Variants in RCHY1 observed in about 807,000 individuals in gnomAD.
RCHY1 encodes the protein ring finger and CHY zinc finger domain containing 1, also known as RING finger and CHY zinc finger domain-containing protein 1.
Under a neutral mutation model 41.6 loss-of-function variants are expected in RCHY1, and 21 were observed. The ratio of observed to expected loss-of-function variants is 0.51; its 90% CI spans 0.36 to 0.73. RCHY1 has a LOEUF of 0.73. Among genes scored for constraint, RCHY1 ranks in the 30% least tolerant of loss-of-function variants. RCHY1 has a pLI of 0.00. For missense variants in RCHY1, 265 were observed against 325.3 expected (o/e 0.81, Z 1.43); for synonymous variants, 79 against 102.9 (o/e 0.77, Z 1.41).
intron 8 of RCHY1, among the ~76,000 whole-genome samples, chr4:75,486,046 G>C (rs1297135100): frequency 1.3e-5 from 2 of 152,166 alleles, no homozygotes; most frequent in African/African-American, 2.4e-5. Flanking sequence ...CTACAAAGCA[G>C]AATCAAGCCC....
At position 75,514,272 on chromosome 4, in the gene RCHY1, G is replaced by A. The variant is rs1725308942; in HGVS notation, c.15C>T (p.Ala5=). 1.2e-6 allele frequency: 2 copies of A among 1,612,336 alleles called. No individual in the cohort carries two copies. The highest frequency in any genetic ancestry group is 8.5e-7 in the Non-Finnish European group (1 of 1,178,694). ...CTTGACCGCTGGCGCCATCTTCCCG[G>A]GCCGTCGCCGCCATCTCCTCCACCT... MAAT[A]REDGASGQER... The change falls in exon 1 of 9, where the codon GCC becomes GCT. Residue 5 remains alanine (A), a synonymous_variant. Transcript: ENST00000324439.
chr4:75,499,938 T>G (rs1364970481), intron 3 of RCHY1, among the ~76,000 whole-genome samples: 1 of 152,196 alleles, frequency 6.6e-6, no homozygotes, highest in Non-Finnish European at 1.5e-5. Context: ...CAAATGTTTC[T>G]AGCACAAATA....
At chr4:75,501,703 C>G (rs1012544934) in intron 3 of RCHY1, among the ~76,000 whole-genome samples, 2 of 152,192 alleles carry the variant, frequency 1.3e-5, no homozygotes, top group African/African-American at 4.8e-5. Context: ...TTCCACTGAA[C>G]ATGAAAAGGA....
intron 8 of RCHY1, among the ~76,000 whole-genome samples, chr4:75,487,811 A>ATATATATTCATAAT (rs1722347997): frequency 2.3e-5 from 1 of 43,354 alleles, no homozygotes; most frequent in East Asian, 5.5e-4. Context: ...ATATATTCAT[A>ATATATATTCATAAT]ATATATATTC....
intron 8 of RCHY1, among the ~76,000 whole-genome samples, chr4:75,484,641 G>T (rs1215797239): frequency 6.6e-6 from 1 of 152,084 alleles, no homozygotes; most frequent in Non-Finnish European, 1.5e-5. Context: ...AATTTCTGAA[G>T]AACTGAGCAA....
At chr4:75,494,295 G>C in intron 3 of RCHY1, 116 bp from the exon 4 acceptor site, 3 of 687,522 alleles carry the variant, frequency 4.4e-6, no homozygotes, top group Non-Finnish European at 7.5e-6. Context: ...CCACAATGGA[G>C]AATATGGGAT....
chr4:75,507,023 TC>T (rs1578237214), intron 3 of RCHY1, among the ~76,000 whole-genome samples: 2 of 151,870 alleles, frequency 1.3e-5, no homozygotes, highest in East Asian at 3.9e-4. Flanking sequence ...AACTTAGAAT[TC>T]TACACCCAGC....
At chr4:75,507,007 C>A (rs896909098) in intron 3 of RCHY1, among the ~76,000 whole-genome samples, 1 of 151,940 alleles carries the variant, frequency 6.6e-6, no homozygotes. Flanking sequence ...GGAACCAATA[C>A]CTGTAAACTT....
chr4:75,505,315 C>T (rs929274103), intron 3 of RCHY1, among the ~76,000 whole-genome samples: 3 of 152,124 alleles, frequency 2.0e-5, no homozygotes, highest in East Asian at 1.9e-4. Flanking sequence ...CACCAGAATC[C>T]GCACCCCAAG....
chr4:75,507,485 G>T (rs970060285), intron 3 of RCHY1, among the ~76,000 whole-genome samples: 13 of 152,030 alleles, frequency 8.6e-5, no homozygotes, highest in African/African-American at 3.1e-4. Context: ...ACTGTAGATT[G>T]AAACACGAAC....
chr4:75,486,253 G>A (rs1249846322), intron 8 of RCHY1, among the ~76,000 whole-genome samples: 2 of 152,064 alleles, frequency 1.3e-5, no homozygotes, highest in South Asian at 4.1e-4. Flanking sequence ...CAAGATGACT[G>A]AGAAAACATT....
chr4:75,504,269 AC>A (rs34895675), intron 3 of RCHY1, among the ~76,000 whole-genome samples: 103,152 of 151,960 alleles, frequency 0.68, 36,126 homozygotes, highest in African/African-American at 0.86. Context: ...AATACAGTTG[AC>A]CCCTTGAACA....
At chr4:75,507,936 G>A (rs1724484395) in intron 3 of RCHY1, among the ~76,000 whole-genome samples, 1 of 152,112 alleles carries the variant, frequency 6.6e-6, no homozygotes, top group African/African-American at 2.4e-5. Context: ...GGGCACACAG[G>A]AAGCTATGAA....
At chr4:75,495,010 C>T (rs1409261217) in intron 3 of RCHY1, among the ~76,000 whole-genome samples, 1 of 151,722 alleles carries the variant, frequency 6.6e-6, no homozygotes, top group Non-Finnish European at 1.5e-5. Context: ...TGTTTTTAAC[C>T]AATTTACTGG....
intron 3 of RCHY1, among the ~76,000 whole-genome samples, chr4:75,500,331 TAATAAC>T (rs1723631839): frequency 6.6e-6 from 1 of 152,166 alleles, no homozygotes; most frequent in South Asian, 2.1e-4. Context: ...GGTGCTTATT[TAATAAC>T]AATGAGAAAC....
At position 75,490,769 on chromosome 4, in the gene RCHY1, G is replaced by A; in HGVS notation, c.537-68C>T. ...ATATATTAATTCAGGTATACAAGAAGATGCAGGCTAACTGCCACATGAACC... is the reference window on the plus strand; with the variant it reads ...ATATATTAATTCAGGTATACAAGAAAATGCAGGCTAACTGCCACATGAACC... On this transcript the variant is annotated intron_variant, in intron 7 of 8. Coordinates refer to ENST00000324439, the MANE Select transcript of RCHY1 (RefSeq NM_015436.4). 3.9e-6 allele frequency: 5 copies of A among 1,279,166 alleles called. No homozygotes were observed. In the East Asian group the frequency reaches 1.3e-4, roughly 32 times the overall value. The allele number at this position is 1,279,166 out of a possible 1,614,324, so 79.2% of individuals were successfully genotyped here. A position where few individuals can be genotyped will look rare whatever the true frequency, so the allele number is the denominator to read the frequency against.
rs1011670032 is a variant in RCHY1, at chr4:75,480,277, T to C, written c.*2261A>G. On this transcript the variant is annotated 3_prime_UTR_variant, in exon 9 of 9. Coordinates refer to ENST00000324439, the MANE Select transcript of RCHY1 (RefSeq NM_015436.4). ...ATCCTAAGTTAAAGAAACAATCAGA[T>C]TGTGAAATAAGACTTTCTAACTAGA... is the stretch of plus-strand genomic sequence containing the variant. 2 of 152,160 alleles carry C rather than the reference T, an allele frequency of 1.3e-5. No individual in the cohort carries two copies. Among genetic ancestry groups the C allele is most frequent in the African/African-American group, 4.8e-5 (2 of 41,444 alleles). 9.4% of individuals were successfully genotyped at this position (152,160 alleles called of 1,614,324 possible). A position where few individuals can be genotyped will look rare whatever the true frequency, so the allele number is the denominator to read the frequency against.
Position 75,479,651 on chromosome 4 carries a change from T to C in RCHY1, c.*2887A>G, listed in dbSNP as rs1721373746. On this transcript the variant is annotated 3_prime_UTR_variant, in exon 9 of 9. Coordinates refer to ENST00000324439, the MANE Select transcript of RCHY1 (RefSeq NM_015436.4). ...TTGATATACACTCATTTTTTTTTTA[T>C]ACATACATCTTTAATGATAAAAGAA... is the stretch of plus-strand genomic sequence containing the variant. The C allele has an allele frequency of 6.6e-6, 1 of 152,072 alleles. No individual in the cohort carries two copies. The highest frequency in any genetic ancestry group is 1.5e-5 in the Non-Finnish European group (1 of 67,970). The allele number at this position is 152,072 out of a possible 1,614,324, so 9.4% of individuals were successfully genotyped here. A position where few individuals can be genotyped will look rare whatever the true frequency, so the allele number is the denominator to read the frequency against.
At chr4:75,490,401 C>T (rs1722637982) in intron 8 of RCHY1, among the ~76,000 whole-genome samples, 180 bp downstream of exon 8, 1 of 151,292 alleles carries the variant, frequency 6.6e-6, no homozygotes. Context: ...CTTTTTTTTT[C>T]CCGATCTGAG....
Sources: gnomAD v4.1 joint callset for allele counts (sites outside exome capture counted in the v4.1 genomes callset) on GRCh38, gnomAD v4.1.1 for gene constraint, MANE v1.5 for transcripts, NCBI Gene and HGNC (gene_info 2026-07-23, HGNC 2026-07-21) for gene names.